Variants in ARHGEF9 observed in about 807,000 individuals in gnomAD.
ARHGEF9 encodes rho guanine nucleotide exchange factor 9.
A neutral mutation model predicts 41.3 loss-of-function variants in ARHGEF9; 2 were observed. That is an observed-to-expected ratio of 0.05 (90% CI 0.02 to 0.15). The LOEUF (loss-of-function observed/expected upper bound fraction) is 0.15, where lower values mean the gene tolerates loss of function less well. Among genes scored for constraint, ARHGEF9 ranks in the 10% least tolerant of loss-of-function variants. The probability of loss-of-function intolerance (pLI) is 1.00; values close to 1 mark genes in which losing one functional copy is unlikely to be tolerated. For missense variants in ARHGEF9, 225 were observed against 424.7 expected (o/e 0.53, Z 4.13); for synonymous variants, 160 against 154.4 (o/e 1.04, Z -0.27).
chrX:63,766,040 C>T (rs1196958737), intron 1 of ARHGEF9, among the ~76,000 whole-genome samples: 4 of 112,122 alleles, frequency 3.6e-5, no homozygotes, highest in African/African-American at 1.3e-4. Context: ...CCCTCTTCCC[C>T]GCTGTATTTT....
chrX:63,651,944 G>A (rs1395608465), intron 8 of ARHGEF9, among the ~76,000 whole-genome samples: 1 of 110,556 alleles, frequency 9.0e-6, no homozygotes, highest in African/African-American at 3.3e-5. Flanking sequence ...CAATTTACTA[G>A]TTGAGAAATG....
intron 4 of ARHGEF9, among the ~76,000 whole-genome samples, chrX:63,680,382 G>C (rs1390749307): frequency 1.8e-5 from 2 of 112,063 alleles, no homozygotes; most frequent in Non-Finnish European, 3.8e-5. Context: ...CAGCAACTTG[G>C]ATCTTGGATC....
intron 7 of ARHGEF9, among the ~76,000 whole-genome samples, chrX:63,661,087 G>C (rs1443762002): frequency 8.9e-6 from 1 of 112,165 alleles, no homozygotes; most frequent in Non-Finnish European, 1.9e-5. Context: ...AGTTAGTTAA[G>C]AGACAGAGTA....
chrX:63,701,563 A>C (rs1428710381), intron 3 of ARHGEF9: 2 of 112,084 alleles, frequency 1.8e-5, no homozygotes, highest in African/African-American at 6.5e-5. Flanking sequence ...TGATGATCAA[A>C]GGTAAGTTAG....
At chrX:63,728,683 G>T (rs1240064628) in intron 1 of ARHGEF9, among the ~76,000 whole-genome samples, 2 of 112,216 alleles carry the variant, frequency 1.8e-5, no homozygotes, top group Non-Finnish European at 3.8e-5. Flanking sequence ...TCACAGGCAG[G>T]GTTATAGAGA....
intron 9 of ARHGEF9, chrX:63,640,655 T>C (rs1461614771): frequency 2.7e-5 from 3 of 112,086 alleles, no homozygotes; most frequent in Non-Finnish European, 5.6e-5. Flanking sequence ...TGGAGCTAGA[T>C]CTGGTATTCT....
chrX:63,778,659 C>T (rs1319704387), intron 1 of ARHGEF9, among the ~76,000 whole-genome samples: 2 of 112,254 alleles, frequency 1.8e-5, no homozygotes, highest in East Asian at 2.8e-4. Flanking sequence ...AAACAGAATG[C>T]TTTTAAGGGC....
intron 2 of ARHGEF9, chrX:63,709,008 C>G (rs1460506009): frequency 8.9e-6 from 1 of 112,187 alleles, no homozygotes; most frequent in Non-Finnish European, 1.9e-5. Context: ...AGAGGAAGGT[C>G]TTTGTCTGCA....
In ARHGEF9 at chrX:63,655,550, C is replaced by T. The variant is rs1556334640; in HGVS notation, c.1265G>A (p.Arg422His). 1 of 1,209,513 alleles carries T rather than the reference C, an allele frequency of 8.3e-7. No homozygotes were observed. The highest frequency in any genetic ancestry group is 1.1e-6 in the Non-Finnish European group (1 of 895,028). The change falls in exon 8 of 10, where the codon CGC (arginine) becomes CAC (histidine). Residue 422 changes from arginine to histidine, a missense_variant. Physicochemically the swap from Arg to His is conservative, Grantham distance 29. Transcript: ENST00000671741. Reference sequence around the variant, plus strand: ...CTCTTCTCTGAAAGCCCTGAGCCAGCGTATTTTTTCCTCCAGCTTCTTGGC... The same window carrying T: ...CTCTTCTCTGAAAGCCCTGAGCCAGTGTATTTTTTCCTCCAGCTTCTTGGC... ...FFAKKLEEKI[R>H]WLRAFREERK...
At chrX:63,750,815 C>T (rs1354008610) in intron 1 of ARHGEF9, among the ~76,000 whole-genome samples, 1 of 111,611 alleles carries the variant, frequency 9.0e-6, no homozygotes, top group African/African-American at 3.3e-5. Context: ...AATAAATAAT[C>T]TCATAGCTGG....
At chrX:63,682,944 C>T (rs1278582656) in intron 4 of ARHGEF9, among the ~76,000 whole-genome samples, 1 of 111,118 alleles carries the variant, frequency 9.0e-6, no homozygotes, top group African/African-American at 3.3e-5. Context: ...GATGCCCACC[C>T]TTGCCAATTT....
Position 63,652,243 on chromosome X carries a change from C to T in ARHGEF9, c.1321+3251G>A, listed in dbSNP as rs782563289. ...TATAAAATGAATGTCTAGCAAAAAA[C>T]GAACAGTCAGCCCTCTGTAACCATG... On this transcript the variant is annotated intron_variant, in intron 8 of 9. Coordinates refer to ENST00000671741, the MANE Select transcript of ARHGEF9 (RefSeq NM_001353921.2). Among the ~76,000 whole-genome samples the T allele has an allele frequency of 1.3e-3, 148 of 111,577 alleles. 1 individual carries two copies. Among genetic ancestry groups the T allele is most frequent in the African/African-American group, 4.6e-3 (142 of 30,796 alleles).
At position 63,635,068 on chromosome X, in the gene ARHGEF9, C is replaced by T. The variant is rs2047249142; in HGVS notation, c.*2960G>A. 2 of 302,469 alleles carry T rather than the reference C, an allele frequency of 6.6e-6. No homozygotes were observed. Among genetic ancestry groups the T allele is most frequent in the Non-Finnish European group, 1.1e-5 (2 of 176,807 alleles). The allele number at this position is 302,469 out of a possible 1,213,427, so 24.9% of individuals were successfully genotyped here. A position where few individuals can be genotyped will look rare whatever the true frequency, so the allele number is the denominator to read the frequency against. On this transcript the variant is annotated 3_prime_UTR_variant, in exon 10 of 10. Transcript: ENST00000671741. Reference sequence around the variant, plus strand: ...AACATTTTTTAACACACAACTTTGACACTTGTTTGACAGAGTCAGTCAGAT... The same window carrying T: ...AACATTTTTTAACACACAACTTTGATACTTGTTTGACAGAGTCAGTCAGAT...
At chrX:63,741,137 C>T (rs782073229) in intron 1 of ARHGEF9, among the ~76,000 whole-genome samples, 1 of 112,828 alleles carries the variant, frequency 8.9e-6, no homozygotes, top group Non-Finnish European at 1.9e-5. Context: ...TGCTTCATAA[C>T]CATATCACTC....
At chrX:63,687,407 A>C (rs2147386039) in intron 4 of ARHGEF9, among the ~76,000 whole-genome samples, 1 of 111,668 alleles carries the variant, frequency 9.0e-6, no homozygotes, top group Admixed American at 9.5e-5. Context: ...AGACCAAACC[A>C]AGCCAGACAG....
chrX:63,756,231 C>T (rs782186986), intron 1 of ARHGEF9, among the ~76,000 whole-genome samples: 1 of 112,009 alleles, frequency 8.9e-6, no homozygotes, highest in Non-Finnish European at 1.9e-5. Context: ...TCAGTGGTTC[C>T]CTGGGCCTTC....
chrX:63,742,011 A>G (rs1556427013), intron 1 of ARHGEF9, among the ~76,000 whole-genome samples: 1 of 112,148 alleles, frequency 8.9e-6, no homozygotes, highest in East Asian at 2.8e-4. Flanking sequence ...TTTCTTCCCC[A>G]TCAATTTGTT....
intron 1 of ARHGEF9, among the ~76,000 whole-genome samples, chrX:63,764,562 A>G (rs1279009118): frequency 1.8e-5 from 2 of 112,443 alleles, no homozygotes; most frequent in African/African-American, 6.5e-5. Flanking sequence ...AAGACATGGA[A>G]TCAACCCAAA....
rs1400664039 is a variant in ARHGEF9, at chrX:63,645,664, T to C, written c.1322-1616A>G. 2.7e-5 allele frequency among the ~76,000 whole-genome samples: 3 copies of C among 111,978 alleles called. No individual in the cohort carries two copies. The Admixed American group carries it at 2.9e-4, about 11-fold the overall frequency. On this transcript the variant is annotated intron_variant, in intron 8 of 9. Coordinates refer to ENST00000671741, the MANE Select transcript of ARHGEF9 (RefSeq NM_001353921.2). ...TTGGGTTGGTTCCAAGTCTTTGCTA[T>C]TGTGAATAGTGCCGCAATAAACATA...
Sources: gnomAD v4.1 joint callset for allele counts (sites outside exome capture counted in the v4.1 genomes callset) on GRCh38, gnomAD v4.1.1 for gene constraint, MANE v1.5 for transcripts, NCBI Gene and HGNC (gene_info 2026-07-23, HGNC 2026-07-21) for gene names.